Variants in ADAMTS20 observed in about 807,000 individuals in gnomAD.
The protein encoded by ADAMTS20 is A disintegrin and metalloproteinase with thrombospondin motifs 20.
ADAMTS20 carries 225 observed loss-of-function variants against 260.1 expected under a neutral mutation model. That is an observed-to-expected ratio of 0.87 (90% CI 0.78 to 0.97). The LOEUF is 0.97. Among genes scored for constraint, ADAMTS20 ranks in the 50% least tolerant of loss-of-function variants. ADAMTS20 has a pLI of 0.00. For synonymous variants in ADAMTS20, 802 were observed against 769.5 expected (o/e 1.04, Z -0.70); for missense variants, 2,400 against 2,337.7 (o/e 1.03, Z -0.55).
At chr12:43,452,730 TACA>T (rs1487152941) in intron 12 of ADAMTS20, 35 bp from the exon 13 acceptor site, 1 of 1,517,770 alleles carries the variant, frequency 6.6e-7, no homozygotes, top group South Asian at 1.3e-5. Context: ...AGCACATCAG[TACA>T]ACATTATTTG....
intron 2 of ADAMTS20, among the ~76,000 whole-genome samples, chr12:43,539,548 C>T (rs1393347953): frequency 6.6e-6 from 1 of 152,180 alleles, no homozygotes; most frequent in African/African-American, 2.4e-5. Flanking sequence ...TTCACTAATT[C>T]TACCAGTGTC....
At position 43,428,221 on chromosome 12, in the gene ADAMTS20, A is replaced by G; in HGVS notation, c.3945+20T>C. The G allele has an allele frequency of 6.2e-7, 1 of 1,610,214 alleles. No homozygotes were observed. Among genetic ancestry groups the G allele is most frequent in the Non-Finnish European group, 8.5e-7 (1 of 1,178,090 alleles). On this transcript the variant is annotated intron_variant, in intron 26 of 38. Transcript: ENST00000389420. ...ATAACAAAATTACAGAATTAATATA[A>G]CTCAATAAAGATGGCTTACTGATCC... is the stretch of plus-strand genomic sequence containing the variant.
chr12:43,353,080 T>C (rs1939669873), downstream of ADAMTS20, among the ~76,000 whole-genome samples: 1 of 152,108 alleles, frequency 6.6e-6, no homozygotes, highest in African/African-American at 2.4e-5. Flanking sequence ...TTTTTTTTGG[T>C]TTTCCGAGTA....
chr12:43,431,528 G>A (rs1387913476), intron 21 of ADAMTS20, 32 bp from the exon 22 acceptor site: 2 of 1,611,654 alleles, frequency 1.2e-6, no homozygotes, highest in South Asian at 2.2e-5. Flanking sequence ...TTATTTATTT[G>A]CAGCATTAGT....
chr12:43,437,874 A>G (rs1289206060), intron 18 of ADAMTS20, among the ~76,000 whole-genome samples: 1 of 152,186 alleles, frequency 6.6e-6, no homozygotes, highest in Non-Finnish European at 1.5e-5. Context: ...AAATTAGAGA[A>G]AAGAGGGCCA....
At chr12:43,399,328 T>C in intron 28 of ADAMTS20, 95 bp from the exon 29 acceptor site, 1 of 1,073,466 alleles carries the variant, frequency 9.3e-7, no homozygotes, top group Non-Finnish European at 1.2e-6. Context: ...CCACACATAA[T>C]TCCTTTGATA....
intron 14 of ADAMTS20, among the ~76,000 whole-genome samples, chr12:43,451,114 C>G (rs2137349202): frequency 1.3e-5 from 2 of 152,214 alleles, no homozygotes; most frequent in Middle Eastern, 3.4e-3. Flanking sequence ...AAGAGGAAAC[C>G]TTGCCATTTG....
chr12:43,384,338 C>A (rs1001186269), intron 29 of ADAMTS20, among the ~76,000 whole-genome samples: 5 of 152,118 alleles, frequency 3.3e-5, no homozygotes, highest in Non-Finnish European at 5.9e-5. Flanking sequence ...CAATTAAATT[C>A]TTAGACTATA....
intron 3 of ADAMTS20, among the ~76,000 whole-genome samples, chr12:43,520,495 A>G (rs932205941): frequency 6.6e-6 from 1 of 152,140 alleles, no homozygotes; most frequent in African/African-American, 2.4e-5. Context: ...AAAGTGTGCC[A>G]GTTAAGCCAA....
chr12:43,408,430 C>T (rs763230150), intron 28 of ADAMTS20, among the ~76,000 whole-genome samples: 1 of 152,074 alleles, frequency 6.6e-6, no homozygotes, highest in Non-Finnish European at 1.5e-5. Context: ...AATCAAGTGC[C>T]AACAAAATAG....
chr12:43,486,482 A>G (rs1277800382), intron 7 of ADAMTS20, among the ~76,000 whole-genome samples: 1 of 152,194 alleles, frequency 6.6e-6, no homozygotes. Context: ...ATTCTAGAAG[A>G]AAACCTAGGA....
rs1324410163 is a variant in ADAMTS20 at position 43,535,243 on chromosome 12, T to G, written c.454-3048A>C. Among the ~76,000 whole-genome samples the G allele has an allele frequency of 2.6e-4, 39 of 152,206 alleles. 1 individual carries two copies. Among genetic ancestry groups the G allele is most frequent in the Admixed American group, 2.6e-3 (39 of 15,276 alleles). On this transcript the variant is annotated intron_variant, in intron 2 of 38. Coordinates refer to ENST00000389420, the MANE Select transcript of ADAMTS20 (RefSeq NM_025003.5). ...TGAATTTCTACTGCTGAAGAGACTA[T>G]CTGAGATCTAGGCACATGTGGTAAG...
intron 28 of ADAMTS20, among the ~76,000 whole-genome samples, chr12:43,408,308 T>C (rs1010800306): frequency 1.3e-5 from 2 of 152,096 alleles, no homozygotes; most frequent in Non-Finnish European, 2.9e-5. Context: ...AACTATTCAG[T>C]GTGAGTAGAC....
At chr12:43,547,503 A>G (rs1445165666) in intron 2 of ADAMTS20, among the ~76,000 whole-genome samples, 1 of 152,180 alleles carries the variant, frequency 6.6e-6, no homozygotes, top group Non-Finnish European at 1.5e-5. Flanking sequence ...GGTGCTGACT[A>G]TGTGGGACTC....
intron 29 of ADAMTS20, among the ~76,000 whole-genome samples, chr12:43,395,677 CT>C (rs5797860): frequency 0.28 from 25,766 of 91,244 alleles, 2,064 homozygotes; most frequent in East Asian, 0.57. Flanking sequence ...GTGTGAGATT[CT>C]TTTTTTTTTT....
At chr12:43,535,632 G>A (rs1011343017) in intron 2 of ADAMTS20, among the ~76,000 whole-genome samples, 1 of 152,010 alleles carries the variant, frequency 6.6e-6, no homozygotes, top group Non-Finnish European at 1.5e-5. Context: ...TCAAAATTAA[G>A]GTAGCTATTA....
At chr12:43,423,930 A>G (rs748551342) in intron 28 of ADAMTS20, 8 of 711,450 alleles carry the variant, frequency 1.1e-5, no homozygotes, top group Non-Finnish European at 1.3e-5. Flanking sequence ...TCCTCCTATA[A>G]AGTTAAAATG....
intron 28 of ADAMTS20, among the ~76,000 whole-genome samples, chr12:43,409,984 C>T (rs1290513563): frequency 6.6e-6 from 1 of 152,074 alleles, no homozygotes; most frequent in African/African-American, 2.4e-5. Flanking sequence ...TAGGCAATGC[C>T]TTAAAAATTT....
At chr12:43,369,538 T>C (rs1191636022) in intron 36 of ADAMTS20, among the ~76,000 whole-genome samples, 157 bp from the exon 37 acceptor site, 3 of 152,058 alleles carry the variant, frequency 2.0e-5, no homozygotes, top group Middle Eastern at 3.2e-3. Flanking sequence ...GTATATATCA[T>C]AGAATAAGCT....
Sources: allele counts gnomAD v4.1 joint callset (sites outside exome capture counted in the v4.1 genomes callset), GRCh38; gene constraint gnomAD v4.1.1; transcripts MANE v1.5; gene names NCBI Gene and HGNC (gene_info 2026-07-23, HGNC 2026-07-21).